RPS6KA5: variants seen among roughly 807,000 people sequenced by gnomAD.
RPS6KA5 encodes the protein ribosomal protein S6 kinase alpha-5.
In RPS6KA5, 27 loss-of-function variants were observed where a neutral mutation model predicts 85.5. That is an observed-to-expected ratio of 0.32 (90% CI 0.23 to 0.44). RPS6KA5 has a LOEUF of 0.44. Ranked by LOEUF, RPS6KA5 falls within the 20% of genes least tolerant of loss-of-function variation. RPS6KA5 has a pLI of 1.00. For synonymous variants in RPS6KA5, 334 were observed against 348.2 expected (o/e 0.96, Z 0.46); for missense variants, 811 against 980.9 (o/e 0.83, Z 2.31).
At chr14:90,952,362 T>C (rs1296655790) in intron 3 of RPS6KA5, among the ~76,000 whole-genome samples, 2 of 152,220 alleles carry the variant, frequency 1.3e-5, no homozygotes, top group African/African-American at 4.8e-5. Context: ...ATCGGTAACT[T>C]TACCCAGACC....
chr14:91,029,725 T>C (rs2042113262), intron 1 of RPS6KA5, among the ~76,000 whole-genome samples: 2 of 152,184 alleles, frequency 1.3e-5, no homozygotes, highest in Non-Finnish European at 2.9e-5. Context: ...AGTAAATGCC[T>C]GACACAAACC....
In RPS6KA5 at chr14:90,942,924, T is replaced by G. The variant is rs111858772; in HGVS notation, c.618+154A>C. Among the ~76,000 whole-genome samples the G allele has an allele frequency of 4.7e-3, 720 of 152,350 alleles. 6 individuals carry two copies. The highest frequency in any genetic ancestry group is 0.016 in the African/African-American group (681 of 41,578). ...TTTTAACAGGACGGCTCCATACGAA[T>G]TTTAAACTAAAAATCTCTACATTTT... On this transcript the variant is annotated intron_variant, in intron 5 of 16. Transcript: ENST00000614987.
chr14:90,850,240 G>T lies in RPS6KA5; in HGVS notation c.*21834C>A, dbSNP rs1229111950. 6.6e-6 allele frequency: 1 copy of T among 152,150 alleles called. No homozygotes were observed. Among genetic ancestry groups the T allele is most frequent in the African/African-American group, 2.4e-5 (1 of 41,418 alleles). 9.4% of individuals were successfully genotyped at this position (152,150 alleles called of 1,614,324 possible). ...GACCTGAAATGAACTGCTTCAACGT[G>T]TTCTGAAGGACCTTTAAATAAGAGA... On this transcript the variant is annotated 3_prime_UTR_variant, in exon 17 of 17. Coordinates refer to ENST00000614987, the MANE Select transcript of RPS6KA5 (RefSeq NM_004755.4).
At chr14:90,950,583 G>C (rs539327305) in intron 3 of RPS6KA5, among the ~76,000 whole-genome samples, 1 of 152,150 alleles carries the variant, frequency 6.6e-6, no homozygotes, top group Non-Finnish European at 1.5e-5. Context: ...ACTTTGTTGA[G>C]CGTTATTATG....
At chr14:90,973,353 G>C (rs1356125490) in intron 3 of RPS6KA5, among the ~76,000 whole-genome samples, 2 of 151,814 alleles carry the variant, frequency 1.3e-5, no homozygotes, top group Non-Finnish European at 2.9e-5. Context: ...TGAGTCAGGA[G>C]AATCACTTGA....
intron 1 of RPS6KA5, among the ~76,000 whole-genome samples, chr14:91,003,912 A>C (rs1431151875): frequency 6.6e-6 from 1 of 152,220 alleles, no homozygotes; most frequent in Non-Finnish European, 1.5e-5. Flanking sequence ...AGATTCCAGT[A>C]AACAATCTTA....
rs1346121886 is a variant in RPS6KA5 at position 90,857,495 on chromosome 14, A to C, written c.*14579T>G. On this transcript the variant is annotated 3_prime_UTR_variant, in exon 17 of 17. Coordinates refer to ENST00000614987, the MANE Select transcript of RPS6KA5 (RefSeq NM_004755.4). The stretch of plus-strand genomic sequence containing the variant: ...TTCAGAGCTAAGTTTGTTCTCCATA[A>C]ATCAGTTCCTGGAGTTTCAACTCAA... The C allele has an allele frequency of 1.3e-5, 2 of 152,216 alleles. No homozygotes were observed. Among genetic ancestry groups the C allele is most frequent in the Non-Finnish European group, 2.9e-5 (2 of 68,046 alleles). 9.4% of individuals were successfully genotyped at this position (152,216 alleles called of 1,614,324 possible).
rs2079204342 is a variant in RPS6KA5 at position 90,852,522 on chromosome 14, G to T, written c.*19552C>A. The T allele has an allele frequency of 6.6e-6, 1 of 152,072 alleles. No individual in the cohort carries two copies. The highest frequency in any genetic ancestry group is 2.1e-4 in the South Asian group (1 of 4,832). 9.4% of individuals were successfully genotyped at this position (152,072 alleles called of 1,614,324 possible). A position where few individuals can be genotyped will look rare whatever the true frequency, so the allele number is the denominator to read the frequency against. On this transcript the variant is annotated 3_prime_UTR_variant, in exon 17 of 17. Transcript: ENST00000614987. ...GATTTGATTTGAAAACATTTTCAAT[G>T]AAAAGTGCAAAGGTTAAGGGAAAAA...
intron 1 of RPS6KA5, among the ~76,000 whole-genome samples, chr14:91,004,943 T>C (rs942364078): frequency 2.6e-5 from 4 of 151,492 alleles, no homozygotes; most frequent in African/African-American, 9.7e-5. Flanking sequence ...GCACTCCAGC[T>C]TGGGCGACAA....
chr14:90,982,174 G>A (rs1169435184), intron 2 of RPS6KA5, among the ~76,000 whole-genome samples: 2 of 152,126 alleles, frequency 1.3e-5, no homozygotes, highest in Non-Finnish European at 2.9e-5. Context: ...TGCAAGTGCA[G>A]CCAACTCCTG....
chr14:90,985,239 G>T (rs558946875), intron 2 of RPS6KA5, among the ~76,000 whole-genome samples: 2 of 152,100 alleles, frequency 1.3e-5, no homozygotes, highest in African/African-American at 4.8e-5. Flanking sequence ...CACTGCGCCC[G>T]GCCGCCTTTA....
chr14:90,908,219 C>A (rs1336304511), intron 7 of RPS6KA5, among the ~76,000 whole-genome samples: 1 of 152,152 alleles, frequency 6.6e-6, no homozygotes, highest in African/African-American at 2.4e-5. Flanking sequence ...GCTGAGATGC[C>A]AAGTCTGGAA....
At chr14:91,057,013 G>A (rs1443549164) in intron 1 of RPS6KA5, among the ~76,000 whole-genome samples, 1 of 150,740 alleles carries the variant, frequency 6.6e-6, no homozygotes, top group Non-Finnish European at 1.5e-5. Context: ...CCGAGTAGCT[G>A]GGACTACAGG....
intron 1 of RPS6KA5, among the ~76,000 whole-genome samples, chr14:91,035,895 G>A (rs1595525068): frequency 6.0e-5 from 5 of 83,894 alleles, no homozygotes; most frequent in African/African-American, 5.0e-5. Flanking sequence ...CAAAGCTGAA[G>A]AATATGGTAA....
rs1290232624 is a variant in RPS6KA5, at chr14:90,868,632, C to T, written c.*3442G>A. On this transcript the variant is annotated 3_prime_UTR_variant, in exon 17 of 17. Coordinates refer to ENST00000614987, the MANE Select transcript of RPS6KA5 (RefSeq NM_004755.4). ...TCAGGCAGTCTAAGGCACATATAGA[C>T]CCAATAATTTAGAAATTTTCACCAT... 1 of 151,950 alleles carries T rather than the reference C, an allele frequency of 6.6e-6. No homozygotes were observed. The highest frequency in any genetic ancestry group is 6.6e-5 in the Admixed American group (1 of 15,250). The allele number at this position is 151,950 out of a possible 1,614,324, so 9.4% of individuals were successfully genotyped here.
At chr14:90,981,507 T>A (rs1250636387) in intron 2 of RPS6KA5, among the ~76,000 whole-genome samples, 3 of 152,170 alleles carry the variant, frequency 2.0e-5, no homozygotes, top group Non-Finnish European at 4.4e-5. Flanking sequence ...ATATATATGA[T>A]CAAATAATAT....
intron 14 of RPS6KA5, among the ~76,000 whole-genome samples, chr14:90,889,786 G>A (rs1393511803): frequency 1.3e-5 from 2 of 152,128 alleles, no homozygotes; most frequent in South Asian, 4.1e-4. Flanking sequence ...CATATCTAAA[G>A]GGGAGGAGGG....
chr14:91,056,430 G>A (rs766578968), intron 1 of RPS6KA5, among the ~76,000 whole-genome samples: 3 of 152,156 alleles, frequency 2.0e-5, no homozygotes, highest in Admixed American at 6.5e-5. Flanking sequence ...AGAAGGCGGC[G>A]GTGTCTTTTC....
chr14:91,028,685 A>T (rs1028971397), intron 1 of RPS6KA5, among the ~76,000 whole-genome samples: 5 of 151,948 alleles, frequency 3.3e-5, no homozygotes, highest in Admixed American at 3.3e-4. Context: ...CGCCCTGCTA[A>T]TTTTTTGTAT....
Sources: gnomAD v4.1 joint callset for allele counts (sites outside exome capture counted in the v4.1 genomes callset) on GRCh38, gnomAD v4.1.1 for gene constraint, MANE v1.5 for transcripts, NCBI Gene and HGNC (gene_info 2026-07-23, HGNC 2026-07-21) for gene names.